COL22A1: variants seen among roughly 807,000 people sequenced by gnomAD.
The protein encoded by COL22A1 is collagen alpha-1(XXII) chain.
COL22A1 carries 221 observed loss-of-function variants against 248.9 expected under a neutral mutation model. The ratio of observed to expected loss-of-function variants is 0.89; its 90% CI spans 0.80 to 0.99. COL22A1 has a LOEUF of 0.99. Ranked by LOEUF, COL22A1 falls within the 50% of genes least tolerant of loss-of-function variation. The pLI is 0.00. For missense variants in COL22A1, 2,240 were observed against 2,179.0 expected, an observed-to-expected ratio of 1.03 and a Z score of -0.56; for synonymous variants, 891 against 793.4, an observed-to-expected ratio of 1.12 and a Z score of -2.07.
chr8:138,620,221 GCC>G (rs1819673968), intron 52 of COL22A1: 1 of 152,200 alleles, frequency 6.6e-6, no homozygotes, highest in Non-Finnish European at 1.5e-5. Flanking sequence ...ATGAGGGGAG[GCC>G]GGGCAGAGGA....
chr8:138,780,214 G>T (rs150895057), intron 13 of COL22A1, among the ~76,000 whole-genome samples: 1 of 152,180 alleles, frequency 6.6e-6, no homozygotes, highest in African/African-American at 2.4e-5. Flanking sequence ...AGTGAGAAGA[G>T]AGTCTAGGGT....
At chr8:138,595,674 T>C (rs1817482190) in intron 62 of COL22A1, among the ~76,000 whole-genome samples, 1 of 152,170 alleles carries the variant, frequency 6.6e-6, no homozygotes, top group African/African-American at 2.4e-5. Context: ...GGAAATGGAC[T>C]GTGTTCCCCT....
rs1817657394 is a variant in COL22A1 at position 138,597,703 on chromosome 8, T to C, written c.4366-733A>G. On this transcript the variant is annotated intron_variant, in intron 61 of 64. Transcript: ENST00000303045. ...TACGGTGCTCATCTCTGTAGCCCCA[T>C]ACCTGGCATGAGATAGATTCTGTTT... Among the ~76,000 whole-genome samples the C allele has an allele frequency of 2.6e-5, 4 of 152,346 alleles. 1 individual carries two copies. Among genetic ancestry groups the C allele is most frequent in the South Asian group, 4.1e-4 (2 of 4,828 alleles).
intron 22 of COL22A1, among the ~76,000 whole-genome samples, chr8:138,738,015 G>A (rs1387790814): frequency 6.6e-6 from 1 of 151,876 alleles, no homozygotes; most frequent in Middle Eastern, 3.2e-3. Flanking sequence ...CCCGTCCCCC[G>A]TTTCTTCACA....
Position 138,778,245 on chromosome 8 carries a change from G to A in COL22A1, c.1758+108C>T, listed in dbSNP as rs962169303. 23 of 1,234,642 alleles carry A rather than the reference G, an allele frequency of 1.9e-5. No homozygotes were observed. The African/African-American group carries it at 2.5e-4, about 14-fold the overall frequency. 76.5% of individuals were successfully genotyped at this position (1,234,642 alleles called of 1,614,324 possible). A position where few individuals can be genotyped will look rare whatever the true frequency, so the allele number is the denominator to read the frequency against. On this transcript the variant is annotated intron_variant, in intron 15 of 64. Coordinates refer to ENST00000303045, the MANE Select transcript of COL22A1 (RefSeq NM_152888.3). ...CCAACACTTCATTGGCATCAGTAAG[G>A]CAAAACAGCATTACTGTCTAGATGC...
At chr8:138,889,456 C>T (rs946023763) in intron 1 of COL22A1, among the ~76,000 whole-genome samples, 10 of 152,028 alleles carry the variant, frequency 6.6e-5, no homozygotes, top group Non-Finnish European at 1.5e-4. Flanking sequence ...AGTAAACTAT[C>T]GCAAGGACAA....
intron 17 of COL22A1, 126 bp from the exon 18 acceptor site, chr8:138,760,413 C>T: frequency 1.3e-6 from 1 of 794,344 alleles, no homozygotes; most frequent in Non-Finnish European, 1.9e-6. Context: ...AGCCAAAGTC[C>T]CTTTAGACCT....
At chr8:138,662,917 G>A (rs1824097575) in intron 42 of COL22A1, among the ~76,000 whole-genome samples, 3 of 151,524 alleles carry the variant, frequency 2.0e-5, no homozygotes, top group African/African-American at 7.3e-5. Context: ...CGGGGAGGGC[G>A]AGGCAGGAGG....
intron 44 of COL22A1, among the ~76,000 whole-genome samples, chr8:138,660,015 G>A (rs1564156272): frequency 6.6e-6 from 1 of 152,302 alleles, no homozygotes; most frequent in African/African-American, 2.4e-5. Context: ...TCTCTGTCCC[G>A]TTCCATGCCT....
At chr8:138,817,054 G>C (rs931364490) in intron 7 of COL22A1, among the ~76,000 whole-genome samples, 4 of 152,208 alleles carry the variant, frequency 2.6e-5, no homozygotes, top group Non-Finnish European at 5.9e-5. Flanking sequence ...AGTTTCCACT[G>C]TCTCCTTTCT....
At chr8:138,778,182 T>G in intron 15 of COL22A1, 171 bp downstream of exon 15, 2 of 739,714 alleles carry the variant, frequency 2.7e-6, no homozygotes, top group East Asian at 2.7e-5. Context: ...TCTTATGGAC[T>G]GTAACATCTA....
chr8:138,680,272 T>C (rs953469364), intron 39 of COL22A1, among the ~76,000 whole-genome samples: 2 of 152,160 alleles, frequency 1.3e-5, no homozygotes, highest in African/African-American at 4.8e-5. Flanking sequence ...GCAACAGCTG[T>C]GTGTCATAAG....
intron 30 of COL22A1, among the ~76,000 whole-genome samples, chr8:138,705,120 T>G (rs1305010095): frequency 5.3e-5 from 8 of 152,128 alleles, no homozygotes; most frequent in Non-Finnish European, 8.8e-5. Context: ...CTCCAGGAAA[T>G]ATGGGACTAT....
At chr8:138,691,605 A>T (rs1482754172) in intron 35 of COL22A1, among the ~76,000 whole-genome samples, 1 of 1,336 alleles carries the variant, frequency 7.5e-4, no homozygotes, top group African/African-American at 2.6e-3. Context: ...GTGTGTGTGC[A>T]TGCATGTGTG....
chr8:138,647,246 G>C (rs1259238975), intron 46 of COL22A1, among the ~76,000 whole-genome samples: 1 of 152,206 alleles, frequency 6.6e-6, no homozygotes, highest in African/African-American at 2.4e-5. Context: ...AACCTGGATG[G>C]AAGGGGATCT....
At chr8:138,832,735 G>A (rs536717715) in intron 5 of COL22A1, among the ~76,000 whole-genome samples, 25 of 152,242 alleles carry the variant, frequency 1.6e-4, no homozygotes, top group Non-Finnish European at 2.6e-4. Context: ...AACCATACCC[G>A]TTTGTTATTT....
intron 21 of COL22A1, among the ~76,000 whole-genome samples, 156 bp from the exon 22 acceptor site, chr8:138,751,667 A>G (rs888503915): frequency 6.6e-6 from 1 of 152,234 alleles, no homozygotes; most frequent in Non-Finnish European, 1.5e-5. Flanking sequence ...TCTCAAACCT[A>G]TAACACTTTA....
intron 61 of COL22A1, among the ~76,000 whole-genome samples, chr8:138,598,087 G>T (rs575783014): frequency 6.6e-6 from 1 of 152,346 alleles, no homozygotes; most frequent in East Asian, 1.9e-4. Context: ...TCCACCAGGG[G>T]ATCTCTGCGT....
Position 138,714,467 on chromosome 8 carries a change from G to C in COL22A1, c.2517+1215C>G, listed in dbSNP as rs75813878. Among the ~76,000 whole-genome samples, 416 of 152,238 alleles carry C rather than the reference G, an allele frequency of 2.7e-3. 2 individuals carry two copies. Among genetic ancestry groups the C allele is most frequent in the African/African-American group, 9.1e-3 (380 of 41,544 alleles). On this transcript the variant is annotated intron_variant, in intron 30 of 64. Coordinates refer to ENST00000303045, the MANE Select transcript of COL22A1 (RefSeq NM_152888.3). The stretch of plus-strand genomic sequence containing the variant: ...GAGGATGTCAGGCCAAGGAGAACTG[G>C]TTTTGTCTGTTTTTCTGCCCAGAAT...
Sources: allele counts gnomAD v4.1 joint callset (sites outside exome capture counted in the v4.1 genomes callset), GRCh38; gene constraint gnomAD v4.1.1; transcripts MANE v1.5; gene names NCBI Gene and HGNC (gene_info 2026-07-23, HGNC 2026-07-21).